The following ADAR variants were observed in gnomAD, a reference collection of about 807,000 sequenced individuals.
The protein encoded by ADAR is double-stranded RNA-specific adenosine deaminase.
In ADAR, 41 loss-of-function variants were observed where a neutral mutation model predicts 113.2. That is an observed-to-expected ratio of 0.36 (90% CI 0.28 to 0.47). The LOEUF (loss-of-function observed/expected upper bound fraction) is 0.47. Ranked by LOEUF, ADAR falls within the 20% of genes least tolerant of loss-of-function variation. The pLI is 1.00. For missense variants in ADAR, 1,242 were observed against 1,540.9 expected, an observed-to-expected ratio of 0.81 and a Z score of 3.25; for synonymous variants, 605 against 572.6, an observed-to-expected ratio of 1.06 and a Z score of -0.81.
chr1:154,602,305 G>T lies in ADAR; in HGVS notation c.337C>A (p.Pro113Thr). 6.2e-7 allele frequency: 1 copy of T among 1,613,784 alleles called. No homozygotes were observed. Among genetic ancestry groups the T allele is most frequent in the African/African-American group, 1.3e-5 (1 of 75,044 alleles). The change falls in exon 2 of 15, where the codon CCA (proline) becomes ACA (threonine). Residue 113 changes from proline to threonine, a missense_variant. By Grantham distance (38) the Pro-to-Thr change is conservative (BLOSUM62 -1). Transcript: ENST00000368474. The stretch of plus-strand genomic sequence containing the variant: ...CTCTGTGGCAGACTCCTGCCACGTG[G>T]TGAAGGATGCTGGAACCCTCTCTGG... ...GLQRGFQHPS[P>T]RGRSLPQRGV... is the part of the protein sequence containing the mutation.
chr1:154,589,225 A>G (rs1571062504), intron 9 of ADAR, 144 bp downstream of exon 9: 7 of 718,616 alleles, frequency 9.7e-6, no homozygotes, highest in Admixed American at 2.0e-5. Context: ...GTTCAAATGG[A>G]CGGGTGAAAA....
chr1:154,626,662 A>G (rs1189933374), intron 1 of ADAR, among the ~76,000 whole-genome samples: 2 of 152,194 alleles, frequency 1.3e-5, no homozygotes, highest in Non-Finnish European at 2.9e-5. Context: ...ATAGCTAGAC[A>G]CTTCGAATTC....
At chr1:154,624,273 T>G (rs1698875601) in intron 1 of ADAR, among the ~76,000 whole-genome samples, 1 of 152,196 alleles carries the variant, frequency 6.6e-6, no homozygotes, top group African/African-American at 2.4e-5. Context: ...AGAGCTTCAT[T>G]CTGTGTGCAT....
At chr1:154,595,067 C>G (rs1037973938) in intron 6 of ADAR, among the ~76,000 whole-genome samples, 2 of 152,108 alleles carry the variant, frequency 1.3e-5, no homozygotes, top group African/African-American at 2.4e-5. Context: ...GGCTCTGTAA[C>G]CTGTTAGGAA....
chr1:154,589,966 G>C, intron 7 of ADAR, 38 bp from the exon 8 acceptor site: 5 of 1,612,172 alleles, frequency 3.1e-6, no homozygotes, highest in Middle Eastern at 3.4e-4. Context: ...CCACAAAGCT[G>C]AGGCTGTGTC....
At chr1:154,585,903 G>A (rs763852154) in intron 12 of ADAR, 38 bp from the exon 13 acceptor site, 9 of 1,548,642 alleles carry the variant, frequency 5.8e-6, no homozygotes, top group Non-Finnish European at 4.4e-6. Context: ...ACCTGTGTTT[G>A]CACCAAATGC....
chr1:154,599,019 A>G (rs1697693655), intron 2 of ADAR, among the ~76,000 whole-genome samples: 1 of 152,200 alleles, frequency 6.6e-6, no homozygotes, highest in East Asian at 1.9e-4. Flanking sequence ...GGCTTCTTAT[A>G]ACCCAGTCTC....
At chr1:154,608,750 C>T (rs1698365084), upstream of ADAR, 1 of 151,656 alleles carries the variant, frequency 6.6e-6, no homozygotes, top group African/African-American at 2.4e-5. Flanking sequence ...GCACACAAAA[C>T]CTCAGGCCAG....
chr1:154,606,025 A>G, intron 1 of ADAR: 4 of 900,184 alleles, frequency 4.4e-6, no homozygotes, highest in Non-Finnish European at 5.3e-6. Flanking sequence ...TTTTCTTGTG[A>G]GACGGAGTCT....
intron 7 of ADAR, 97 bp from the exon 8 acceptor site, chr1:154,590,025 G>C (rs1697024468): frequency 3.9e-6 from 6 of 1,540,334 alleles, no homozygotes; most frequent in South Asian, 1.1e-5. Flanking sequence ...TGTCGTGTGA[G>C]TCATCTTTTC....
upstream of ADAR, among the ~76,000 whole-genome samples, chr1:154,610,402 G>A (rs1381883329): frequency 6.6e-6 from 1 of 152,126 alleles, no homozygotes; most frequent in African/African-American, 2.4e-5. Flanking sequence ...ATGCAACAAG[G>A]TAGCTAATTA....
chr1:154,598,723 C>T lies in ADAR; in HGVS notation c.1602-138G>A. 3 of 803,034 alleles carry T rather than the reference C, an allele frequency of 3.7e-6. No homozygotes were observed. In the South Asian group the frequency reaches 4.3e-5, roughly 12 times the overall value. 49.7% of individuals were successfully genotyped at this position (803,034 alleles called of 1,614,324 possible). On this transcript the variant is annotated intron_variant, in intron 2 of 14. Transcript: ENST00000368474. Reference sequence around the variant, plus strand: ...TGGAGATGAAGGGTAGGCCAAGGAACTCCTTCCTACTCCTTAAGGCTCAGC... The same window carrying T: ...TGGAGATGAAGGGTAGGCCAAGGAATTCCTTCCTACTCCTTAAGGCTCAGC...
intron 1 of ADAR, among the ~76,000 whole-genome samples, chr1:154,613,328 A>T (rs1341001296): frequency 7.9e-6 from 1 of 126,650 alleles, no homozygotes. Context: ...TCTGTTATCC[A>T]GGCTGGAGTG....
chr1:154,617,527 A>C (rs1415835120), intron 1 of ADAR, among the ~76,000 whole-genome samples: 1 of 152,176 alleles, frequency 6.6e-6, no homozygotes, highest in Non-Finnish European at 1.5e-5. Context: ...CTTAATAATA[A>C]AGACTGTCTA....
At chr1:154,603,207 T>C (rs765968871) in intron 1 of ADAR, among the ~76,000 whole-genome samples, 79 of 152,128 alleles carry the variant, frequency 5.2e-4, no homozygotes, top group Non-Finnish European at 8.4e-4. Flanking sequence ...TGGATGAAAC[T>C]GAACCCCAGT....
At chr1:154,589,261 G>T in intron 9 of ADAR, 108 bp downstream of exon 9, 1 of 869,122 alleles carries the variant, frequency 1.2e-6, no homozygotes. Context: ...GCCACATCAT[G>T]ACCCGTCTGT....
At chr1:154,600,453 C>T (rs1045811003) in intron 2 of ADAR, 28 of 155,956 alleles carry the variant, frequency 1.8e-4, no homozygotes, top group South Asian at 6.7e-4. Flanking sequence ...GCCACCGCCC[C>T]GGCCCCCAAG....
intron 6 of ADAR, among the ~76,000 whole-genome samples, chr1:154,590,995 ATAC>A (rs1697111083): frequency 1.3e-5 from 2 of 152,184 alleles, no homozygotes; most frequent in South Asian, 4.1e-4. Flanking sequence ...AATATCCGTA[ATAC>A]TAGGTATGAA....
At chr1:154,594,100 T>C (rs1300617314) in intron 6 of ADAR, among the ~76,000 whole-genome samples, 1 of 152,208 alleles carries the variant, frequency 6.6e-6, no homozygotes, top group Non-Finnish European at 1.5e-5. Context: ...CAGGCTGGTC[T>C]CAAATTACTG....
Sources: allele counts gnomAD v4.1 joint callset (sites outside exome capture counted in the v4.1 genomes callset), GRCh38; gene constraint gnomAD v4.1.1; transcripts MANE v1.5; gene names NCBI Gene and HGNC (gene_info 2026-07-23, HGNC 2026-07-21).